Variants in RPS6KA1 observed in about 807,000 individuals in gnomAD.
The protein encoded by RPS6KA1 is ribosomal protein S6 kinase alpha-1.
Under a neutral mutation model 91.3 loss-of-function variants are expected in RPS6KA1, and 48 were observed. The observed-to-expected ratio is 0.53, with a 90% confidence interval of 0.42 to 0.67. RPS6KA1 has a LOEUF of 0.67. Ranked by LOEUF, RPS6KA1 falls within the 30% of genes least tolerant of loss-of-function variation. The pLI is 0.00. For missense variants in RPS6KA1, 719 were observed against 960.5 expected, an observed-to-expected ratio of 0.75 and a Z score of 3.32; for synonymous variants, 359 against 384.7, an observed-to-expected ratio of 0.93 and a Z score of 0.78.
chr1:26,556,443 G>A (rs896319007), intron 11 of RPS6KA1, among the ~76,000 whole-genome samples: 18 of 152,218 alleles, frequency 1.2e-4, no homozygotes, highest in Admixed American at 8.5e-4. Context: ...TGGTACATTG[G>A]AATTTCTTCA....
rs150063775 is a variant in RPS6KA1 at position 26,558,928 on chromosome 1, G to A, written c.1206G>A (p.Ser402=). The A allele has an allele frequency of 4.4e-5, 71 of 1,611,384 alleles. No homozygotes were observed. In the Middle Eastern group the frequency reaches 4.9e-4, roughly 11 times the overall value. ...GTGCCCCGCAGGCACCCCTGCACTC[G>A]GTGGTACAGGTGAGGGGGGCAGGGG... The part of the protein sequence containing the change: ...KPRAPQAPLH[S]VVQQLHGKNL... The change falls in exon 14 of 22, where the codon TCG becomes TCA. Residue 402 remains serine, a synonymous_variant. Transcript: ENST00000374168. The surrounding 1 kb of genome is among the most constrained non-coding windows in gnomAD (Gnocchi z 4.0).
At chr1:26,570,324 A>G (rs2076238691) in intron 17 of RPS6KA1, among the ~76,000 whole-genome samples, 1 of 152,056 alleles carries the variant, frequency 6.6e-6, no homozygotes, top group African/African-American at 2.4e-5. Flanking sequence ...GTCTCTGCAA[A>G]AAATGTTTTA....
At position 26,551,797 on chromosome 1, in the gene RPS6KA1, T is replaced by C; in HGVS notation, c.468+74T>C. 2 of 1,312,532 alleles carry C rather than the reference T, an allele frequency of 1.5e-6. No individual in the cohort carries two copies. The highest frequency in any genetic ancestry group is 2.2e-6 in the Non-Finnish European group (2 of 909,150). The allele number at this position is 1,312,532 out of a possible 1,614,324, so 81.3% of individuals were successfully genotyped here. ...GACAAGTCCTCCCATCCCAGGGCCC[T>C]GTACAGAATGTGTTTGGTATGGCTT... is the stretch of plus-strand genomic sequence containing the variant. On this transcript the variant is annotated intron_variant, in intron 6 of 21. Transcript: ENST00000374168. This position sits in a 1 kb window ranked among gnomAD's most constrained non-coding sequence, Gnocchi z 4.5.
intron 1 of RPS6KA1, chr1:26,531,292 A>AC (rs2075865660): frequency 6.6e-6 from 1 of 152,514 alleles, no homozygotes; most frequent in African/African-American, 2.4e-5. Flanking sequence ...TCGCTGACTC[A>AC]CCCTCTGAGG....
intron 1 of RPS6KA1, among the ~76,000 whole-genome samples, chr1:26,533,396 G>A (rs565964838): frequency 8.5e-5 from 13 of 152,144 alleles, no homozygotes; most frequent in African/African-American, 2.9e-4. Flanking sequence ...GCGCCTGGCC[G>A]AAACTGAGAC....
chr1:26,574,719 T>C lies in RPS6KA1; in HGVS notation c.*518T>C, dbSNP rs2076281576. 3 of 327,728 alleles carry C rather than the reference T, an allele frequency of 9.2e-6. No homozygotes were observed. Among genetic ancestry groups the C allele is most frequent in the Non-Finnish European group, 1.8e-5 (3 of 166,356 alleles). The allele number at this position is 327,728 out of a possible 1,614,324, so 20.3% of individuals were successfully genotyped here. A position where few individuals can be genotyped will look rare whatever the true frequency, so the allele number is the denominator to read the frequency against. ...CCCAATCAGCTCCTTTTCCGTTCTGTTCTGCTGGGAGTTCTAGAACCACTT... is the reference window on the plus strand; with the variant it reads ...CCCAATCAGCTCCTTTTCCGTTCTGCTCTGCTGGGAGTTCTAGAACCACTT... On this transcript the variant is annotated 3_prime_UTR_variant, in exon 22 of 22. Transcript: ENST00000374168. The surrounding 1 kb of genome is among the most constrained non-coding windows in gnomAD (Gnocchi z 4.3).
intron 6 of RPS6KA1, among the ~76,000 whole-genome samples, chr1:26,552,344 C>T (rs533407813): frequency 2.7e-4 from 37 of 135,190 alleles, no homozygotes; most frequent in African/African-American, 8.7e-4. Flanking sequence ...GCCAAGATCG[C>T]GCCACTGCAC....
chr1:26,562,992 A>G (rs542775674), intron 17 of RPS6KA1, among the ~76,000 whole-genome samples: 39 of 151,666 alleles, frequency 2.6e-4, no homozygotes, highest in Admixed American at 5.9e-4. Context: ...GCCTGTCACC[A>G]TGCCTGGCTA....
intron 1 of RPS6KA1, 46 bp downstream of exon 1, chr1:26,530,029 G>C (rs1353751534): frequency 7.9e-7 from 1 of 1,271,092 alleles, no homozygotes; most frequent in Non-Finnish European, 1.0e-6. Context: ...CGGCGAGCCC[G>C]GATCCTCACA....
rs563992837 is a variant in RPS6KA1, at chr1:26,540,606, C to G, written c.108+3637C>G. Reference sequence around the variant, plus strand: ...TTGTTTTTGTTTTGAGGCAGGGCCTCCCTCTGTTGCCCAGGCTGGAGTGCA... The same window carrying G: ...TTGTTTTTGTTTTGAGGCAGGGCCTGCCTCTGTTGCCCAGGCTGGAGTGCA... On this transcript the variant is annotated intron_variant, in intron 2 of 21. Transcript: ENST00000374168. This position sits in a 1 kb window ranked among gnomAD's most constrained non-coding sequence, Gnocchi z 4.2. 8.5e-5 allele frequency among the ~76,000 whole-genome samples: 13 copies of G among 152,334 alleles called. 1 individual carries two copies. The highest frequency in any genetic ancestry group is 1.9e-4 in the African/African-American group (8 of 41,576).
chr1:26,567,651 T>C (rs1258545269), intron 17 of RPS6KA1, among the ~76,000 whole-genome samples: 1 of 152,166 alleles, frequency 6.6e-6, no homozygotes, highest in East Asian at 1.9e-4. Context: ...AGTGCTGGGA[T>C]TACAGGCATG....
At chr1:26,572,491 A>G (rs2076257894) in intron 20 of RPS6KA1, among the ~76,000 whole-genome samples, 198 bp downstream of exon 20, 1 of 152,062 alleles carries the variant, frequency 6.6e-6, no homozygotes. Context: ...CCTGGTGATC[A>G]TTCATTGGCC....
In RPS6KA1 at chr1:26,547,425, G is replaced by A. The variant is rs889675422; in HGVS notation, c.307+155G>A. 13 of 630,348 alleles carry A rather than the reference G, an allele frequency of 2.1e-5. No individual in the cohort carries two copies. Among genetic ancestry groups the A allele is most frequent in the African/African-American group, 5.5e-5 (3 of 54,534 alleles). 39.0% of individuals were successfully genotyped at this position (630,348 alleles called of 1,614,324 possible). ...CAGGCCTATTTCTCAGCTATCCCTC[G>A]CCAGCCAATCCTCCTCCCCCTAAGC... On this transcript the variant is annotated intron_variant, in intron 4 of 21. Coordinates refer to ENST00000374168, the MANE Select transcript of RPS6KA1 (RefSeq NM_002953.4). This position sits in a 1 kb window ranked among gnomAD's most constrained non-coding sequence, Gnocchi z 4.1.
chr1:26,532,517 C>T lies in RPS6KA1; in HGVS notation c.63+2534C>T, dbSNP rs1025231920. On this transcript the variant is annotated intron_variant, in intron 1 of 21. Coordinates refer to ENST00000374168, the MANE Select transcript of RPS6KA1 (RefSeq NM_002953.4). ...GTGGAAGGTGCTCCAAGAGAGGCTC[C>T]GGATGTTGGCGGACTCTCCTTATCC... Among the ~76,000 whole-genome samples, 7 of 152,264 alleles carry T rather than the reference C, an allele frequency of 4.6e-5. 1 individual carries two copies. The highest frequency in any genetic ancestry group is 3.9e-4 in the East Asian group (2 of 5,170).
chr1:26,532,060 G>C (rs1184854266), intron 1 of RPS6KA1, among the ~76,000 whole-genome samples: 2 of 152,202 alleles, frequency 1.3e-5, no homozygotes, highest in Non-Finnish European at 2.9e-5. Flanking sequence ...GGGCTGGTGG[G>C]GGACTTTTCA....
rs533415368 is a variant in RPS6KA1, at chr1:26,549,997, G to A, written c.308-1400G>A. Among the ~76,000 whole-genome samples the A allele has an allele frequency of 8.7e-5, 13 of 149,770 alleles. No individual in the cohort carries two copies. In the Middle Eastern group the frequency reaches 0.01, roughly 121 times the overall value. On this transcript the variant is annotated intron_variant, in intron 4 of 21. Coordinates refer to ENST00000374168, the MANE Select transcript of RPS6KA1 (RefSeq NM_002953.4). ...CGGGTTCAAGTGATTCTCCTGCCTCGGCCTCACGAGTAACTGGGATTACAG... is the reference window on the plus strand; with the variant it reads ...CGGGTTCAAGTGATTCTCCTGCCTCAGCCTCACGAGTAACTGGGATTACAG...
chr1:26,559,105 G>A (rs1188352779), intron 14 of RPS6KA1, among the ~76,000 whole-genome samples, 168 bp downstream of exon 14: 1 of 152,212 alleles, frequency 6.6e-6, no homozygotes, highest in Non-Finnish European at 1.5e-5. Flanking sequence ...CAGTGGCCCT[G>A]ATAATTGGAT....
At chr1:26,565,782 G>T (rs145098385) in intron 17 of RPS6KA1, among the ~76,000 whole-genome samples, 1 of 151,876 alleles carries the variant, frequency 6.6e-6, no homozygotes, top group Non-Finnish European at 1.5e-5. Context: ...GGCTGGTCTC[G>T]ACCTCCTGAC....
In RPS6KA1 at chr1:26,551,549, C is replaced by T; in HGVS notation, c.388+72C>T. 1 of 1,599,218 alleles carries T rather than the reference C, an allele frequency of 6.3e-7. No individual in the cohort carries two copies. The highest frequency in any genetic ancestry group is 2.2e-5 in the East Asian group (1 of 44,804). ...CCCTTGCCTGTGGTCTGTACACTGT[C>T]CCACCGCCTGCCTGGCAGGCCAAGG... On this transcript the variant is annotated intron_variant, in intron 5 of 21. Coordinates refer to ENST00000374168, the MANE Select transcript of RPS6KA1 (RefSeq NM_002953.4). This position sits in a 1 kb window ranked among gnomAD's most constrained non-coding sequence, Gnocchi z 4.5.
Sources: gnomAD v4.1 joint callset for allele counts (sites outside exome capture counted in the v4.1 genomes callset) on GRCh38, gnomAD v4.1.1 for gene constraint, Gnocchi (gnomAD v3.1) non-coding constraint, MANE v1.5 for transcripts, NCBI Gene and HGNC (gene_info 2026-07-23, HGNC 2026-07-21) for gene names.